The following PCNX2 variants were observed in gnomAD, a reference collection of about 807,000 sequenced individuals.
PCNX2 encodes the protein pecanex-like protein 2.
Under a neutral mutation model 223.8 loss-of-function variants are expected in PCNX2, and 168 were observed. That is an observed-to-expected ratio of 0.75 (90% CI 0.66 to 0.85). The LOEUF (loss-of-function observed/expected upper bound fraction) is 0.85, where lower values mean the gene tolerates loss of function less well. Ranked by LOEUF, PCNX2 falls within the 40% of genes least tolerant of loss-of-function variation. PCNX2 has a pLI of 0.00. For missense variants in PCNX2, 2,507 were observed against 2,675.5 expected (o/e 0.94, Z 1.39); for synonymous variants, 1,006 against 1,052.6 (o/e 0.96, Z 0.86).
At chr1:233,168,123 A>C (rs1008890431) in intron 17 of PCNX2, among the ~76,000 whole-genome samples, 2 of 152,132 alleles carry the variant, frequency 1.3e-5, no homozygotes, top group Non-Finnish European at 2.9e-5. Context: ...ATGAGTGTGA[A>C]AGGGAATATA....
In PCNX2 at chr1:233,290,751, CTAAGAT is replaced by C. The variant is rs142080956; in HGVS notation, c.153+4569_153+4574del. 4.8e-4 allele frequency: 473 copies of C among 984,900 alleles called. No individual in the cohort carries two copies. In the African/African-American group the frequency reaches 7.6e-3, roughly 16 times the overall value. 61.0% of individuals were successfully genotyped at this position (984,900 alleles called of 1,614,324 possible). On this transcript the variant is annotated intron_variant, in intron 1 of 33. Transcript: ENST00000258229. The stretch of plus-strand genomic sequence containing the variant: ...ATGTAGGTCTTATCAAAGAAGGTCT[CTAAGAT>C]TAAATTTTAAAAAGCAGAACTGGAA...
At chr1:233,219,783 C>T (rs12087818) in intron 10 of PCNX2, among the ~76,000 whole-genome samples, 43,344 of 151,866 alleles carry the variant, frequency 0.29, 6,298 homozygotes, top group South Asian at 0.35. Context: ...ATTAACACAT[C>T]ATTATCCATC....
intron 12 of PCNX2, 103 bp downstream of exon 12, chr1:233,217,796 G>A (rs1029444729): frequency 1.7e-6 from 2 of 1,202,518 alleles, no homozygotes; most frequent in Non-Finnish European, 2.3e-6. Flanking sequence ...ATTCAGTATA[G>A]AGAGCTAGGT....
intron 23 of PCNX2, among the ~76,000 whole-genome samples, chr1:233,059,862 G>T (rs1202927876): frequency 6.6e-6 from 1 of 152,112 alleles, no homozygotes; most frequent in Non-Finnish European, 1.5e-5. Context: ...TGCTTAAGAA[G>T]AAACCTAAGA....
At chr1:233,214,643 C>T (rs1409563893) in intron 12 of PCNX2, among the ~76,000 whole-genome samples, 1 of 152,168 alleles carries the variant, frequency 6.6e-6, no homozygotes, top group Non-Finnish European at 1.5e-5. Flanking sequence ...GTCAGTTACA[C>T]ATATATGGAC....
At chr1:232,984,740 G>T (rs924821959) in intron 33 of PCNX2, 1 of 389,728 alleles carries the variant, frequency 2.6e-6, no homozygotes, top group Non-Finnish European at 4.6e-6. Flanking sequence ...AGCGGCCCTG[G>T]GGGGAAGGGG....
At chr1:233,004,252 A>G (rs1228442953) in intron 28 of PCNX2, among the ~76,000 whole-genome samples, 2 of 152,096 alleles carry the variant, frequency 1.3e-5, no homozygotes, top group Non-Finnish European at 2.9e-5. Flanking sequence ...GGGATCTTTC[A>G]AGATTATCCG....
intron 19 of PCNX2, among the ~76,000 whole-genome samples, chr1:233,147,790 A>AC (rs1677550525): frequency 6.6e-6 from 1 of 151,976 alleles, no homozygotes; most frequent in Non-Finnish European, 1.5e-5. Context: ...ACAATAACAC[A>AC]TATGGAGATG....
At chr1:233,006,548 A>G (rs555455034) in intron 28 of PCNX2, among the ~76,000 whole-genome samples, 19 of 152,294 alleles carry the variant, frequency 1.2e-4, no homozygotes, top group Admixed American at 4.6e-4. Flanking sequence ...TTTTTCAGAG[A>G]GACAGAGTAG....
At chr1:233,047,621 A>T (rs531376811) in intron 25 of PCNX2, among the ~76,000 whole-genome samples, 4 of 152,364 alleles carry the variant, frequency 2.6e-5, no homozygotes, top group Non-Finnish European at 5.9e-5. Flanking sequence ...AGGGTATTAC[A>T]TAATGATAAA....
chr1:233,119,744 T>C lies in PCNX2; in HGVS notation c.3837+15269A>G, dbSNP rs1386603697. Among the ~76,000 whole-genome samples, 4 of 152,088 alleles carry C rather than the reference T, an allele frequency of 2.6e-5. 1 individual carries two copies. The highest frequency in any genetic ancestry group is 5.9e-5 in the Non-Finnish European group (4 of 68,016). ...AATTATGATCAATAAAAGAAATTATTGATAAATTAGACTTCACTAAAATTA... is the reference window on the plus strand; with the variant it reads ...AATTATGATCAATAAAAGAAATTATCGATAAATTAGACTTCACTAAAATTA... On this transcript the variant is annotated intron_variant, in intron 21 of 33. Transcript: ENST00000258229.
At chr1:233,289,480 G>T in intron 1 of PCNX2, 1 of 933,462 alleles carries the variant, frequency 1.1e-6, no homozygotes, top group Non-Finnish European at 1.7e-6. Context: ...CCGAGCGCCG[G>T]CTTAGGAAGA....
chr1:233,179,737 T>G (rs1277242134), intron 15 of PCNX2, among the ~76,000 whole-genome samples: 1 of 152,200 alleles, frequency 6.6e-6, no homozygotes, highest in Non-Finnish European at 1.5e-5. Context: ...GTTCTTACAC[T>G]TTAGCCCAGT....
chr1:233,079,991 A>G (rs1179737887), intron 23 of PCNX2, among the ~76,000 whole-genome samples: 1 of 152,066 alleles, frequency 6.6e-6, no homozygotes, highest in East Asian at 1.9e-4. Context: ...GGCCCTCTTG[A>G]CCATAGTCTC....
intron 32 of PCNX2, among the ~76,000 whole-genome samples, chr1:232,992,732 G>C (rs982566478): frequency 3.9e-4 from 59 of 152,348 alleles, no homozygotes; most frequent in African/African-American, 1.4e-3. Context: ...TAATCCCCAT[G>C]TGTTGAGGGA....
In PCNX2 at chr1:233,170,520, C is replaced by A. The variant is rs1387873316; in HGVS notation, c.3273+7282G>T. On this transcript the variant is annotated intron_variant, in intron 17 of 33. Transcript: ENST00000258229. Reference sequence around the variant, plus strand: ...GGTTTTCTTATTGATTTAGAGGAATCTTATACTCATCTAGACACTAGTCTC... The same window carrying A: ...GGTTTTCTTATTGATTTAGAGGAATATTATACTCATCTAGACACTAGTCTC... Among the ~76,000 whole-genome samples, 4 of 152,040 alleles carry A rather than the reference C, an allele frequency of 2.6e-5. No individual in the cohort carries two copies. The East Asian group carries it at 7.7e-4, about 29-fold the overall frequency.
At position 233,162,027 on chromosome 1, in the gene PCNX2, C is replaced by T. The variant is rs537617645; in HGVS notation, c.3274-664G>A. On this transcript the variant is annotated intron_variant, in intron 17 of 33. Transcript: ENST00000258229. Reference sequence around the variant, plus strand: ...ATGTATGTTTATATTTATATATATACATAGATATATGCAAGAGGTACACAC... The same window carrying T: ...ATGTATGTTTATATTTATATATATATATAGATATATGCAAGAGGTACACAC... Among the ~76,000 whole-genome samples, 5 of 148,988 alleles carry T rather than the reference C, an allele frequency of 3.4e-5. No homozygotes were observed. In the South Asian group the frequency reaches 1.1e-3, roughly 32 times the overall value.
At chr1:233,089,835 G>T in intron 23 of PCNX2, 1 of 1,266,466 alleles carries the variant, frequency 7.9e-7, no homozygotes, top group Non-Finnish European at 1.0e-6. Context: ...GTGAAACCTG[G>T]ACTAGTATTC....
intron 23 of PCNX2, among the ~76,000 whole-genome samples, chr1:233,086,718 C>T (rs1242074310): frequency 6.6e-6 from 1 of 152,000 alleles, no homozygotes; most frequent in African/African-American, 2.4e-5. Flanking sequence ...AAATTCAGTT[C>T]CTCCATCAGA....
Sources: allele counts gnomAD v4.1 joint callset (sites outside exome capture counted in the v4.1 genomes callset), GRCh38; gene constraint gnomAD v4.1.1; transcripts MANE v1.5; gene names NCBI Gene and HGNC (gene_info 2026-07-23, HGNC 2026-07-21).